NEK4: variants seen among roughly 807,000 people sequenced by gnomAD.
NEK4 encodes NIMA related kinase 4.
NEK4 carries 86 observed loss-of-function variants against 98.4 expected under a neutral mutation model. The ratio of observed to expected loss-of-function variants is 0.87; its 90% CI spans 0.73 to 1.05. The LOEUF is 1.05. Ranked by LOEUF, NEK4 falls within the 50% of genes least tolerant of loss-of-function variation. NEK4 has a pLI of 0.00. For missense variants in NEK4, 898 were observed against 950.3 expected (o/e 0.94, Z 0.72); for synonymous variants, 328 against 342.2 (o/e 0.96, Z 0.46).
Position 52,770,828 on chromosome 3 carries a change from C to T in NEK4, c.-82G>A. ...GCGGCAACAAGAAGCTCGGTTCATG[C>T]CCGAGAGGGGGCAGTGGGGGCGGCT... is the stretch of plus-strand genomic sequence containing the variant. On this transcript the variant is annotated 5_prime_UTR_variant, in exon 1 of 16. Coordinates refer to ENST00000233027, the MANE Select transcript of NEK4 (RefSeq NM_003157.6). 1 of 1,250,438 alleles carries T rather than the reference C, an allele frequency of 8.0e-7. No individual in the cohort carries two copies. The highest frequency in any genetic ancestry group is 1.1e-6 in the Non-Finnish European group (1 of 885,804). 77.5% of individuals were successfully genotyped at this position (1,250,438 alleles called of 1,614,324 possible). A position where few individuals can be genotyped will look rare whatever the true frequency, so the allele number is the denominator to read the frequency against.
In NEK4 at chr3:52,768,399, C is replaced by A; in HGVS notation, c.299G>T (p.Gly100Val). 1.9e-6 allele frequency: 3 copies of A among 1,614,042 alleles called. No homozygotes were observed. The highest frequency in any genetic ancestry group is 2.5e-6 in the Non-Finnish European group (3 of 1,179,946). The change falls in exon 2 of 16, where the codon GGG (glycine) becomes GTG (valine). Residue 100 changes from glycine (G) to valine (V), a missense_variant. By Grantham distance (109) the Gly-to-Val change is moderately radical. Transcript: ENST00000233027. Reference protein sequence around the residue: ...DLYRKLKEQKGQLLPENQVVE... With the variant: ...DLYRKLKEQKVQLLPENQVVE... ...CACCTGATTCTCAGGCAGAAGCTGC[C>A]CTTTCTGCTCCTTGAGCTTTCGGTA...
intron 1 of NEK4, among the ~76,000 whole-genome samples, chr3:52,770,396 T>C (rs918268876): frequency 2.7e-5 from 4 of 150,468 alleles, no homozygotes; most frequent in African/African-American, 9.8e-5. Flanking sequence ...AGACTGAAAA[T>C]TTTTACATAA....
Position 52,752,161 on chromosome 3 carries a change from T to G in NEK4, c.1139A>C (p.Asp380Ala), listed in dbSNP as rs1255363770. The G allele has an allele frequency of 6.2e-7, 1 of 1,614,074 alleles. No individual in the cohort carries two copies. Among genetic ancestry groups the G allele is most frequent in the Non-Finnish European group, 8.5e-7 (1 of 1,180,038 alleles). Reference protein sequence around the residue: ...LPAKGRDSVSDGFVQENQPRY... With the variant: ...LPAKGRDSVSAGFVQENQPRY... ...TGGCTGATTCTCCTGAACAAAGCCA[T>G]CACTCACTGAATCCCTCCCTTTTGC... Residue 380 changes from aspartate (D) to alanine (A), a missense_variant, in exon 7 of 16, where the codon GAT becomes GCT. Transcript: ENST00000233027.
chr3:52,729,997 A>C (rs2097368075), intron 15 of NEK4, among the ~76,000 whole-genome samples: 1 of 152,124 alleles, frequency 6.6e-6, no homozygotes, highest in Non-Finnish European at 1.5e-5. Flanking sequence ...AATCCCAGCT[A>C]CTCGGGAGCC....
In NEK4 at chr3:52,768,527, C is replaced by T. The variant is rs1266470734; in HGVS notation, c.171G>A (p.Leu57=). 6.2e-7 allele frequency: 1 copy of T among 1,614,100 alleles called. No individual in the cohort carries two copies. The highest frequency in any genetic ancestry group is 1.3e-5 in the African/African-American group (1 of 74,936). Reference sequence around the variant, plus strand: ...CAATGTTGGGATGCTTCAACTGAGACAAGAGCTGGGCTTCCTGTTCAGCAG... The same window carrying T: ...CAATGTTGGGATGCTTCAACTGAGATAAGAGCTGGGCTTCCTGTTCAGCAG... The part of the protein sequence containing the change: ...RRAAEQEAQL[L]SQLKHPNIVT... Residue 57 remains leucine, a synonymous_variant, in exon 2 of 16, where the codon TTG becomes TTA. Coordinates refer to ENST00000233027, the MANE Select transcript of NEK4 (RefSeq NM_003157.6).
chr3:52,729,147 C>T (rs34291015), intron 15 of NEK4, among the ~76,000 whole-genome samples: 52,209 of 151,902 alleles, frequency 0.34, 9,964 homozygotes, highest in Admixed American at 0.46. Flanking sequence ...CTACTCCCTG[C>T]TTGTACACCC....
chr3:52,743,156 A>T (rs1454579105), intron 12 of NEK4, 196 bp downstream of exon 12: 3 of 510,142 alleles, frequency 5.9e-6, no homozygotes, highest in African/African-American at 5.7e-5. Context: ...GAGTACCTGA[A>T]AAATTTATTC....
At chr3:52,755,573 A>G (rs1182674014) in intron 6 of NEK4, among the ~76,000 whole-genome samples, 1 of 152,232 alleles carries the variant, frequency 6.6e-6, no homozygotes, top group African/African-American at 2.4e-5. Context: ...AAACACCCAC[A>G]GTAAACATCA....
chr3:52,747,923 T>C (rs2097398993), intron 8 of NEK4, among the ~76,000 whole-genome samples: 1 of 151,666 alleles, frequency 6.6e-6, no homozygotes, highest in Non-Finnish European at 1.5e-5. Context: ...CTAGCCTGGG[T>C]GACACAGCAA....
intron 5 of NEK4, among the ~76,000 whole-genome samples, chr3:52,761,520 A>G (rs770457661): frequency 2.6e-5 from 4 of 152,116 alleles, no homozygotes; most frequent in Non-Finnish European, 5.9e-5. Context: ...TCCTGACCTC[A>G]GGTGATCTGC....
intron 15 of NEK4, among the ~76,000 whole-genome samples, chr3:52,735,748 A>T (rs1355720675): frequency 6.6e-6 from 1 of 152,258 alleles, no homozygotes; most frequent in African/African-American, 2.4e-5. Context: ...CAAAAATAGC[A>T]ATCAATCATA....
chr3:52,721,752 A>G (rs1229869164), intron 15 of NEK4, among the ~76,000 whole-genome samples: 2 of 151,780 alleles, frequency 1.3e-5, no homozygotes, highest in Non-Finnish European at 2.9e-5. Context: ...AAAAAAAAAA[A>G]GTAACCACAT....
intron 5 of NEK4, 137 bp downstream of exon 5, chr3:52,763,333 T>C: frequency 1.1e-6 from 1 of 883,244 alleles, no homozygotes; most frequent in Non-Finnish European, 1.7e-6. Context: ...TTTTGCCTCC[T>C]CTACATATGT....
intron 1 of NEK4, 77 bp downstream of exon 1, chr3:52,770,577 C>G: frequency 8.8e-7 from 1 of 1,142,260 alleles, no homozygotes; most frequent in South Asian, 1.3e-5. Flanking sequence ...CGACCACCCC[C>G]GACCTAATCT....
At position 52,716,902 on chromosome 3, in the gene NEK4, T is replaced by C. The variant is rs1260251283; in HGVS notation, c.2434-5033A>G. ...AGACAAAAATTCTACTCCAGGCCAG[T>C]GAAGGCAAGAACACAGGCCTTTGTT... On this transcript the variant is annotated intron_variant, in intron 15 of 15. Coordinates refer to ENST00000233027, the MANE Select transcript of NEK4 (RefSeq NM_003157.6). Among the ~76,000 whole-genome samples the C allele has an allele frequency of 3.9e-5, 6 of 152,196 alleles. No homozygotes were observed. The East Asian group carries it at 1.2e-3, about 29-fold the overall frequency.
chr3:52,763,391 C>G, intron 5 of NEK4, 79 bp downstream of exon 5: 1 of 1,335,950 alleles, frequency 7.5e-7, no homozygotes, highest in African/African-American at 1.5e-5. Flanking sequence ...ACCATTAATT[C>G]TTGCATATGA....
rs1040538950 is a variant in NEK4, at chr3:52,735,935, C to T, written c.2433+1651G>A. Among the ~76,000 whole-genome samples, 17 of 152,260 alleles carry T rather than the reference C, an allele frequency of 1.1e-4. 1 individual carries two copies. The highest frequency in any genetic ancestry group is 1.1e-3 in the Admixed American group (17 of 15,284). On this transcript the variant is annotated intron_variant, in intron 15 of 15. Transcript: ENST00000233027. ...AACTCTACTGGTGTCATCTGACCAG[C>T]CATTTAAAAATTGGAATCTAAAGTG...
intron 6 of NEK4, among the ~76,000 whole-genome samples, chr3:52,759,110 A>C (rs1465262217): frequency 6.6e-6 from 1 of 151,126 alleles, no homozygotes; most frequent in Non-Finnish European, 1.5e-5. Context: ...AAAAAGAAAA[A>C]AAAAAAAAAA....
intron 15 of NEK4, among the ~76,000 whole-genome samples, chr3:52,715,449 C>A (rs1418598545): frequency 2.0e-5 from 3 of 152,190 alleles, no homozygotes; most frequent in Non-Finnish European, 2.9e-5. Flanking sequence ...TGCAGTGGCA[C>A]GATCATGGCT....
Sources: gnomAD v4.1 joint callset for allele counts (sites outside exome capture counted in the v4.1 genomes callset) on GRCh38, gnomAD v4.1.1 for gene constraint, MANE v1.5 for transcripts, NCBI Gene and HGNC (gene_info 2026-07-23, HGNC 2026-07-21) for gene names.